PRRX1: variants seen among roughly 807,000 people sequenced by gnomAD.
The protein encoded by PRRX1 is paired related homeobox 1.
A neutral mutation model predicts 24.0 loss-of-function variants in PRRX1; 8 were observed. The observed-to-expected ratio is 0.33, with a 90% CI of 0.20 to 0.60. PRRX1 has a LOEUF of 0.60. Among genes scored for constraint, PRRX1 ranks in the 20% least tolerant of loss-of-function variants. The pLI is 0.82. For missense variants in PRRX1, 281 were observed against 322.4 expected (o/e 0.87, Z 0.98); for synonymous variants, 160 against 131.7 (o/e 1.22, Z -1.47).
intron 1 of PRRX1, among the ~76,000 whole-genome samples, chr1:170,675,739 C>T (rs1018530133): frequency 3.9e-5 from 6 of 151,980 alleles, no homozygotes; most frequent in Non-Finnish European, 7.4e-5. Flanking sequence ...AAAAATTTTT[C>T]CCAAGCAAGT....
chr1:170,690,530 T>A (rs576879942), intron 1 of PRRX1, among the ~76,000 whole-genome samples: 1 of 152,180 alleles, frequency 6.6e-6, no homozygotes, highest in South Asian at 2.1e-4. Flanking sequence ...TAGCATTTAT[T>A]TATAATAATA....
intron 1 of PRRX1, among the ~76,000 whole-genome samples, chr1:170,684,913 T>A (rs1653679507): frequency 6.6e-6 from 1 of 152,328 alleles, no homozygotes; most frequent in South Asian, 2.1e-4. Flanking sequence ...AAAGGATAAG[T>A]TATAATCAGT....
intron 1 of PRRX1, among the ~76,000 whole-genome samples, chr1:170,680,591 C>CAT (rs1331944399): frequency 4.6e-5 from 7 of 152,196 alleles, no homozygotes; most frequent in Admixed American, 1.3e-4. Context: ...TGGCAGCATA[C>CAT]TCAGGGGAAC....
chr1:170,686,512 G>GA (rs1249261874), intron 1 of PRRX1, among the ~76,000 whole-genome samples: 1 of 152,126 alleles, frequency 6.6e-6, no homozygotes, highest in African/African-American at 2.4e-5. Context: ...ACCTGCCAAG[G>GA]TCAGCAATTC....
At chr1:170,685,737 T>C (rs1653708372) in intron 1 of PRRX1, among the ~76,000 whole-genome samples, 1 of 152,086 alleles carries the variant, frequency 6.6e-6, no homozygotes, top group Non-Finnish European at 1.5e-5. Context: ...GTTTGAAGTC[T>C]AATGAATACC....
intron 1 of PRRX1, among the ~76,000 whole-genome samples, chr1:170,715,250 T>A (rs1367250114): frequency 2.0e-5 from 3 of 152,160 alleles, no homozygotes; most frequent in African/African-American, 7.2e-5. Context: ...AATTACTCAG[T>A]CCTTTAAAAC....
chr1:170,689,909 T>A lies in PRRX1; in HGVS notation c.241+25450T>A, dbSNP rs150110444. On this transcript the variant is annotated intron_variant, in intron 1 of 3. Coordinates refer to ENST00000239461, the MANE Select transcript of PRRX1 (RefSeq NM_022716.4). ...GTGTGTGTGCGTGTGTGTGTGTGTGTGAGAGGGAGAGAGATCCAAAAAGAG... is the reference window on the plus strand; with the variant it reads ...GTGTGTGTGCGTGTGTGTGTGTGTGAGAGAGGGAGAGAGATCCAAAAAGAG... 7.7e-3 allele frequency among the ~76,000 whole-genome samples: 1,161 copies of A among 151,306 alleles called. 16 individuals are homozygous for A. Among genetic ancestry groups the A allele is most frequent in the African/African-American group, 0.027 (1,095 of 41,202 alleles).
At chr1:170,725,516 A>G (rs1000056025) in intron 2 of PRRX1, among the ~76,000 whole-genome samples, 11 of 152,280 alleles carry the variant, frequency 7.2e-5, no homozygotes, top group Non-Finnish European at 1.0e-4. Flanking sequence ...AATGACTGAC[A>G]GGATCCAGTG....
intron 1 of PRRX1, among the ~76,000 whole-genome samples, chr1:170,675,703 A>G (rs1414127374): frequency 2.0e-5 from 3 of 152,152 alleles, no homozygotes; most frequent in East Asian, 3.9e-4. Context: ...GGGAAACAAC[A>G]TATTTTATTA....
At chr1:170,724,316 T>C (rs187068776) in intron 2 of PRRX1, among the ~76,000 whole-genome samples, 1 of 152,366 alleles carries the variant, frequency 6.6e-6, no homozygotes, top group Admixed American at 6.5e-5. Flanking sequence ...TTTTTGCTTT[T>C]GTTGAAATTG....
In PRRX1 at chr1:170,726,318, G is replaced by C. The variant is rs778735074; in HGVS notation, c.516G>C (p.Val172=). 26 of 1,613,960 alleles carry C rather than the reference G, an allele frequency of 1.6e-5. No individual in the cohort carries two copies. Among genetic ancestry groups the C allele is most frequent in the Non-Finnish European group, 2.1e-5 (25 of 1,179,992 alleles). The change falls in exon 3 of 4, where the codon GTG becomes GTC. Residue 172 remains valine, a synonymous_variant. Coordinates refer to ENST00000239461, the MANE Select transcript of PRRX1 (RefSeq NM_022716.4). ...ASLLKSYSGD[V]TAVEQPIVPR... is the part of the protein sequence containing the mutation. ...TCCTCAAATCCTACTCAGGAGACGT[G>C]ACTGCTGTGGAGCAGCCCATCGTAC...
intron 1 of PRRX1, among the ~76,000 whole-genome samples, chr1:170,686,761 C>A (rs762502757): frequency 7.9e-5 from 12 of 152,160 alleles, no homozygotes; most frequent in Non-Finnish European, 1.5e-4. Flanking sequence ...CTCTAACTTG[C>A]ACACTCCAGA....
intron 3 of PRRX1, chr1:170,730,204 C>T (rs1477414265): frequency 2.4e-6 from 3 of 1,255,536 alleles, no homozygotes; most frequent in African/African-American, 1.5e-5. Context: ...CTCATTTGAT[C>T]GTGGTCATGG....
intron 1 of PRRX1, among the ~76,000 whole-genome samples, chr1:170,690,320 G>A (rs1242227987): frequency 6.6e-6 from 1 of 152,062 alleles, no homozygotes; most frequent in African/African-American, 2.4e-5. Context: ...GCAGGATATA[G>A]AAGGGTCACA....
chr1:170,727,333 A>T (rs6701640), intron 3 of PRRX1: 1 of 152,088 alleles, frequency 6.6e-6, no homozygotes, highest in Non-Finnish European at 1.5e-5. Context: ...GTCTAGAGTG[A>T]CTTTCTTTGA....
intron 1 of PRRX1, among the ~76,000 whole-genome samples, chr1:170,684,177 T>C (rs756746012): frequency 8.5e-5 from 13 of 152,302 alleles, no homozygotes; most frequent in Admixed American, 3.9e-4. Context: ...CACTCAATGG[T>C]CCCTCGTGCT....
intron 3 of PRRX1, 99 bp downstream of exon 3, chr1:170,726,500 T>C (rs1655260874): frequency 1.4e-6 from 2 of 1,389,952 alleles, no homozygotes; most frequent in East Asian, 2.3e-5. Context: ...CATTTCTTAC[T>C]GGGTTAATCT....
intron 3 of PRRX1, chr1:170,726,818 A>G (rs1330901720): frequency 1.9e-5 from 3 of 155,732 alleles, no homozygotes; most frequent in Non-Finnish European, 2.8e-5. Flanking sequence ...GTATAGGGCC[A>G]AAGGCAAACT....
At chr1:170,698,825 A>T (rs1304109274) in intron 1 of PRRX1, among the ~76,000 whole-genome samples, 1 of 152,102 alleles carries the variant, frequency 6.6e-6, no homozygotes, top group Non-Finnish European at 1.5e-5. Flanking sequence ...GGCTGGAGAT[A>T]GGAGAGTCAG....
Sources: allele counts gnomAD v4.1 joint callset (sites outside exome capture counted in the v4.1 genomes callset), GRCh38; gene constraint gnomAD v4.1.1; transcripts MANE v1.5; gene names NCBI Gene and HGNC (gene_info 2026-07-23, HGNC 2026-07-21).